The following CANX variants were observed in gnomAD, a reference collection of about 807,000 sequenced individuals.
CANX encodes calnexin.
CANX carries 14 observed loss-of-function variants against 75.7 expected under a neutral mutation model. That is an observed-to-expected ratio of 0.19 (90% confidence interval 0.12 to 0.29). The LOEUF (loss-of-function observed/expected upper bound fraction) is 0.29, where lower values mean the gene tolerates loss of function less well. Among genes scored for constraint, CANX ranks in the 10% least tolerant of loss-of-function variants. CANX has a pLI of 1.00. For missense variants in CANX, 567 were observed against 713.2 expected (o/e 0.79, Z 2.34); for synonymous variants, 227 against 236.9 (o/e 0.96, Z 0.38).
chr5:179,730,657 C>G lies in CANX; in HGVS notation c.*2013C>G, dbSNP rs984011931. On this transcript the variant is annotated 3_prime_UTR_variant, in exon 15 of 15. Transcript: ENST00000247461. Reference sequence around the variant, plus strand: ...TAGTAAAGTTTGTTGAAAACAAAAACGCCTTTTCTTGGTTCTTTTTTCAGT... The same window carrying G: ...TAGTAAAGTTTGTTGAAAACAAAAAGGCCTTTTCTTGGTTCTTTTTTCAGT... The G allele has an allele frequency of 6.6e-6, 1 of 152,178 alleles. No individual in the cohort carries two copies. The highest frequency in any genetic ancestry group is 1.5e-5 in the Non-Finnish European group (1 of 68,034). 9.4% of individuals were successfully genotyped at this position (152,178 alleles called of 1,614,324 possible).
chr5:179,698,765 G>A (rs547168549), upstream of CANX: 10 of 643,482 alleles, frequency 1.6e-5, no homozygotes, highest in East Asian at 6.1e-4. Flanking sequence ...GCCACTTCCT[G>A]CCTCACTCCC....
chr5:179,687,665 G>C, intron 1 of CANX, among the ~76,000 whole-genome samples: 1 of 152,144 alleles, frequency 6.6e-6, no homozygotes, highest in East Asian at 1.9e-4. Flanking sequence ...CATGGAATCA[G>C]AGCCCAGGAA....
chr5:179,684,919 A>ATTTTTTTTTTTT (rs1562433057), intron 1 of CANX, among the ~76,000 whole-genome samples: 12 of 95,228 alleles, frequency 1.3e-4, no homozygotes, highest in African/African-American at 5.1e-4. Context: ...CACCTGGCTA[A>ATTTTTTTTTTTT]TTTTGTATTT....
intron 1 of CANX, among the ~76,000 whole-genome samples, chr5:179,690,744 C>G (rs1776286476): frequency 6.6e-6 from 1 of 151,696 alleles, no homozygotes; most frequent in Non-Finnish European, 1.5e-5. Flanking sequence ...CAAAAATTAG[C>G]CGGGCGCGGT....
At chr5:179,693,393 G>T (rs1007471181) in intron 1 of CANX, among the ~76,000 whole-genome samples, 23 of 71,220 alleles carry the variant, frequency 3.2e-4, no homozygotes, top group Admixed American at 2.0e-3. Flanking sequence ...TAAAAATTAG[G>T]CTGGGCACGG....
chr5:179,708,644 GTAAT>G lies in CANX; in HGVS notation c.446+275_446+278del, dbSNP rs1055684101. On this transcript the variant is annotated intron_variant, in intron 5 of 14. Transcript: ENST00000247461. ...CCGGAAATCTGCATTAATAGTTTTT[GTAAT>G]TAATTAATTACAAAACTAGTAATTA... 1.0e-4 allele frequency among the ~76,000 whole-genome samples: 15 copies of G among 145,642 alleles called. No homozygotes were observed. The South Asian group carries it at 1.8e-3, about 17-fold the overall frequency.
chr5:179,698,582 C>T, upstream of CANX: 1 of 1,289,366 alleles, frequency 7.8e-7, no homozygotes, highest in South Asian at 1.2e-5. Flanking sequence ...CGTCCCAAGT[C>T]TCGGCTCCAG....
intron 7 of CANX, among the ~76,000 whole-genome samples, chr5:179,715,453 G>A (rs1356526928): frequency 6.6e-6 from 1 of 152,114 alleles, no homozygotes; most frequent in Non-Finnish European, 1.5e-5. Context: ...CAGGAGAATC[G>A]CTTGAACCTG....
intron 7 of CANX, among the ~76,000 whole-genome samples, chr5:179,713,603 T>C (rs2113199381): frequency 6.6e-6 from 1 of 152,162 alleles, no homozygotes; most frequent in East Asian, 1.9e-4. Flanking sequence ...AAGAGAATTG[T>C]ACTGTTCCCA....
intron 10 of CANX, 70 bp from the exon 11 acceptor site, chr5:179,722,734 A>T: frequency 9.7e-7 from 1 of 1,033,956 alleles, no homozygotes; most frequent in Non-Finnish European, 1.5e-6. Flanking sequence ...AATTTCTCTT[A>T]CGGTAGATTC....
chr5:179,683,587 G>A (rs1447420167), intron 1 of CANX, among the ~76,000 whole-genome samples: 2 of 151,936 alleles, frequency 1.3e-5, no homozygotes, highest in Admixed American at 1.3e-4. Flanking sequence ...AGACTGGAGT[G>A]CAGTGGTATG....
intron 7 of CANX, among the ~76,000 whole-genome samples, chr5:179,712,491 T>C (rs1486363160): frequency 6.6e-6 from 1 of 151,972 alleles, no homozygotes; most frequent in Non-Finnish European, 1.5e-5. Flanking sequence ...TGATCTTGGC[T>C]CACCACAACC....
intron 10 of CANX, among the ~76,000 whole-genome samples, chr5:179,722,263 G>A (rs1010264126): frequency 2.0e-5 from 3 of 152,214 alleles, no homozygotes; most frequent in South Asian, 2.1e-4. Context: ...GAACACAGGA[G>A]GCAGAAGTTA....
rs1778825052 is a variant in CANX, at chr5:179,728,723, C to A, written c.*79C>A. 2.1e-6 allele frequency: 2 copies of A among 964,408 alleles called. No individual in the cohort carries two copies. Among genetic ancestry groups the A allele is most frequent in the Admixed American group, 3.6e-5 (2 of 56,050 alleles). 59.7% of individuals were successfully genotyped at this position (964,408 alleles called of 1,614,324 possible). ...TGGTCCTAGGAGAGGACCTGGCACA[C>A]CTTAGGTTGACATTCAGAAAACTTC... On this transcript the variant is annotated 3_prime_UTR_variant, in exon 15 of 15. Transcript: ENST00000247461.
intron 7 of CANX, among the ~76,000 whole-genome samples, chr5:179,712,731 T>C (rs1467427922): frequency 6.7e-6 from 1 of 150,078 alleles, no homozygotes; most frequent in Non-Finnish European, 1.5e-5. Context: ...GACTACCTTT[T>C]TAATTTTTTT....
At chr5:179,726,620 G>A in intron 13 of CANX, 60 bp from the exon 14 acceptor site, 1 of 1,084,400 alleles carries the variant, frequency 9.2e-7, no homozygotes, top group African/African-American at 1.6e-5. Flanking sequence ...GTGTTCTAAT[G>A]CTAATATATA....
intron 1 of CANX, among the ~76,000 whole-genome samples, chr5:179,684,577 T>G (rs1340460709): frequency 1.3e-5 from 2 of 150,950 alleles, no homozygotes; most frequent in Non-Finnish European, 2.9e-5. Flanking sequence ...CCTGACCCCA[T>G]GATCCACCCA....
At chr5:179,724,903 G>T in intron 13 of CANX, 120 bp downstream of exon 13, 5 of 1,367,046 alleles carry the variant, frequency 3.7e-6, no homozygotes, top group Non-Finnish European at 4.9e-6. Flanking sequence ...TGTAATCCTA[G>T]CACTTTGGGA....
At chr5:179,687,025 C>T (rs150596898) in intron 1 of CANX, among the ~76,000 whole-genome samples, 1 of 152,300 alleles carries the variant, frequency 6.6e-6, no homozygotes, top group African/African-American at 2.4e-5. Context: ...AATCCGTCTG[C>T]CTTGGCCTCC....
Sources: gnomAD v4.1 joint callset for allele counts (sites outside exome capture counted in the v4.1 genomes callset) on GRCh38, gnomAD v4.1.1 for gene constraint, MANE v1.5 for transcripts, NCBI Gene and HGNC (gene_info 2026-07-23, HGNC 2026-07-21) for gene names.